Variants in PCLO observed in about 807,000 individuals in gnomAD.
The protein encoded by PCLO is piccolo presynaptic cytomatrix protein.
In PCLO, 82 loss-of-function variants were observed where a neutral mutation model predicts 427.5. The observed-to-expected ratio is 0.19, with a 90% CI of 0.16 to 0.23. PCLO has a LOEUF of 0.23. Among genes scored for constraint, PCLO ranks in the 10% least tolerant of loss-of-function variants. The probability of loss-of-function intolerance (pLI) is 1.00; values close to 1 mark genes in which losing one functional copy is unlikely to be tolerated. For missense variants in PCLO, 6,239 were observed against 6,115.9 expected, an observed-to-expected ratio of 1.02 and a Z score of -0.67; for synonymous variants, 2,357 against 2,155.4, an observed-to-expected ratio of 1.09 and a Z score of -2.59.
intron 8 of PCLO, among the ~76,000 whole-genome samples, chr7:82,907,973 G>C (rs932157027): frequency 6.6e-6 from 1 of 152,078 alleles, no homozygotes; most frequent in African/African-American, 2.4e-5. Flanking sequence ...AGTCTATATG[G>C]ATCTTCTCAG....
chr7:82,916,210 G>T lies in PCLO; in HGVS notation c.11776C>A (p.Pro3926Thr), dbSNP rs1430856958. 6.2e-7 allele frequency: 1 copy of T among 1,613,582 alleles called. No individual in the cohort carries two copies. The highest frequency in any genetic ancestry group is 8.5e-7 in the Non-Finnish European group (1 of 1,179,678). Residue 3926 changes from proline to threonine, a missense_variant, in exon 7 of 25, where the codon CCA becomes ACA. By Grantham distance (38) the Pro-to-Thr change is conservative. Coordinates refer to ENST00000333891, the MANE Select transcript of PCLO (RefSeq NM_033026.6). ...HQQVSPYQTQ[P>T]TFQAVATMSF... ...ATTGTTGCCACAGCTTGGAATGTTG[G>T]CTGAGTCTGATAAGGTGAAACTTGC...
At chr7:83,125,169 C>T (rs1419312605) in intron 3 of PCLO, among the ~76,000 whole-genome samples, 1 of 152,140 alleles carries the variant, frequency 6.6e-6, no homozygotes, top group Admixed American at 6.5e-5. Context: ...CTCTGCCCGG[C>T]CGCCACCCCG....
intron 3 of PCLO, among the ~76,000 whole-genome samples, chr7:83,021,636 T>C (rs1788345753): frequency 6.6e-6 from 1 of 152,178 alleles, no homozygotes; most frequent in South Asian, 2.1e-4. Flanking sequence ...ATTACCAGCA[T>C]ATAGAAATAA....
At chr7:82,933,362 G>GT (rs564863862) in intron 6 of PCLO, among the ~76,000 whole-genome samples, 1 of 151,832 alleles carries the variant, frequency 6.6e-6, no homozygotes, top group African/African-American at 2.4e-5. Flanking sequence ...GGAAGGTCAG[G>GT]TTTTTTTTCA....
chr7:83,141,760 A>G (rs962816303), intron 2 of PCLO, among the ~76,000 whole-genome samples: 2 of 152,216 alleles, frequency 1.3e-5, no homozygotes, highest in South Asian at 4.1e-4. Context: ...AGATTTTTCA[A>G]AAAGTACTAC....
chr7:82,951,024 G>A lies in PCLO; in HGVS notation c.9564C>T (p.Ser3188=), dbSNP rs765936627. 65 of 1,613,638 alleles carry A rather than the reference G, an allele frequency of 4.0e-5. No homozygotes were observed. The highest frequency in any genetic ancestry group is 6.7e-5 in the Admixed American group (4 of 59,986). Residue 3188 remains serine (S), a synonymous_variant, in exon 6 of 25, where the codon TCC becomes TCT. Coordinates refer to ENST00000333891, the MANE Select transcript of PCLO (RefSeq NM_033026.6). ...CTCCCACCACTTCAGGAAACACTTC[G>A]GATGCTGTGGTTAAAGTGGGAACAG... ...IDSVPTLTTA[S]EVFPEVVGDE...
chr7:82,763,433 G>A (rs1790470455), intron 22 of PCLO, among the ~76,000 whole-genome samples: 1 of 152,042 alleles, frequency 6.6e-6, no homozygotes, highest in East Asian at 1.9e-4. Flanking sequence ...GAGAATCAGT[G>A]TTATAGAGTA....
chr7:82,757,347 C>G lies in PCLO; in HGVS notation c.*1228G>C, dbSNP rs897669535. ...AATAGCTCAAAGTATATTTTAATCT[C>G]AGGTAAATGTTGACTTTTCACATAT... On this transcript the variant is annotated 3_prime_UTR_variant, in exon 25 of 25. Coordinates refer to ENST00000333891, the MANE Select transcript of PCLO (RefSeq NM_033026.6). The G allele has an allele frequency of 2.0e-5, 3 of 151,916 alleles. No individual in the cohort carries two copies. The highest frequency in any genetic ancestry group is 4.4e-5 in the Non-Finnish European group (3 of 67,916). The allele number at this position is 151,916 out of a possible 1,614,324, so 9.4% of individuals were successfully genotyped here. A position where few individuals can be genotyped will look rare whatever the true frequency, so the allele number is the denominator to read the frequency against.
At chr7:82,861,180 C>T (rs757493561) in intron 10 of PCLO, among the ~76,000 whole-genome samples, 1 of 151,966 alleles carries the variant, frequency 6.6e-6, no homozygotes, top group Non-Finnish European at 1.5e-5. Context: ...GGTGAATAAA[C>T]AAGACCCATT....
chr7:83,077,049 T>C (rs377602665), intron 3 of PCLO, among the ~76,000 whole-genome samples: 1 of 152,062 alleles, frequency 6.6e-6, no homozygotes, highest in Admixed American at 6.5e-5. Flanking sequence ...GCATATAGCA[T>C]CTGTATGTAA....
At chr7:82,884,011 T>C (rs549534647) in intron 9 of PCLO, among the ~76,000 whole-genome samples, 8 of 152,256 alleles carry the variant, frequency 5.3e-5, no homozygotes, top group African/African-American at 1.4e-4. Context: ...CCTCAGATGA[T>C]GCCTGCCTTG....
At chr7:82,971,282 C>A (rs952676038) in intron 3 of PCLO, among the ~76,000 whole-genome samples, 1 of 151,642 alleles carries the variant, frequency 6.6e-6, no homozygotes, top group Non-Finnish European at 1.5e-5. Context: ...CTTCCTGGAA[C>A]AGTTAGAATT....
At chr7:82,906,634 T>G (rs1156549206) in intron 8 of PCLO, among the ~76,000 whole-genome samples, 1 of 152,020 alleles carries the variant, frequency 6.6e-6, no homozygotes, top group East Asian at 1.9e-4. Context: ...CATTTGTTAC[T>G]TATTTGGGCA....
chr7:82,968,160 A>G (rs1795821087), intron 3 of PCLO, among the ~76,000 whole-genome samples: 1 of 152,230 alleles, frequency 6.6e-6, no homozygotes. Context: ...GAGTAAAGAC[A>G]AAAGTCAATT....
chr7:82,973,057 C>T (rs1378374759), intron 3 of PCLO, among the ~76,000 whole-genome samples: 2 of 151,812 alleles, frequency 1.3e-5, no homozygotes, highest in African/African-American at 4.8e-5. Context: ...TTTATGACAT[C>T]TACAAAAGGG....
At chr7:82,863,632 TAAG>T (rs1584067829) in intron 10 of PCLO, among the ~76,000 whole-genome samples, 1 of 152,028 alleles carries the variant, frequency 6.6e-6, no homozygotes, top group East Asian at 1.9e-4. Flanking sequence ...AAGAATTGAC[TAAG>T]AAGAAAACAG....
intron 3 of PCLO, among the ~76,000 whole-genome samples, chr7:83,097,514 C>T (rs767370844): frequency 0.011 from 1,386 of 128,854 alleles, 11 homozygotes; most frequent in Middle Eastern, 0.027. Context: ...AGAGCAAGAC[C>T]CAGTCTCAAA....
At position 82,794,459 on chromosome 7, in the gene PCLO, C is replaced by CTTTTTTTTTTTTTTTTTTTTTTTTTTTT. The variant is rs778108792; in HGVS notation, c.15007+7031_15007+7058dup. Among the ~76,000 whole-genome samples the CTTTTTTTTTTTTTTTTTTTTTTTTTTTT allele has an allele frequency of 4.3e-4, 24 of 56,370 alleles. 8 individuals carry two copies. The highest frequency in any genetic ancestry group is 2.4e-3 in the East Asian group (4 of 1,684). 37.0% of individuals were successfully genotyped at this position (56,370 alleles called of 152,430 possible). A position where few individuals can be genotyped will look rare whatever the true frequency, so the allele number is the denominator to read the frequency against. On this transcript the variant is annotated intron_variant, in intron 22 of 24. Coordinates refer to ENST00000333891, the MANE Select transcript of PCLO (RefSeq NM_033026.6). ...ACATGCTAGTTCATAAATTTTTTTTCTTTTTTTTTTTTTTTTTTTTTTTTT... is the reference window on the plus strand; with the variant it reads ...ACATGCTAGTTCATAAATTTTTTTTCTTTTTTTTTTTTTTTTTTTTTTTTTTTTTTTTTTTTTTTTTTTTTTTTTTTTT...
chr7:82,905,450 G>C (rs1356877161), intron 8 of PCLO, among the ~76,000 whole-genome samples: 2 of 151,896 alleles, frequency 1.3e-5, no homozygotes, highest in Non-Finnish European at 2.9e-5. Context: ...AGAGTGCCTT[G>C]CTGAGTTCCT....
Sources: gnomAD v4.1 joint callset for allele counts (sites outside exome capture counted in the v4.1 genomes callset) on GRCh38, gnomAD v4.1.1 for gene constraint, MANE v1.5 for transcripts, NCBI Gene and HGNC (gene_info 2026-07-23, HGNC 2026-07-21) for gene names.